DMD: variants seen among roughly 807,000 people sequenced by gnomAD.
DMD encodes mutant dystrophin.
A neutral mutation model predicts 330.1 loss-of-function variants in DMD; 63 were observed. The observed-to-expected ratio is 0.19, with a 90% CI of 0.16 to 0.24. The LOEUF (loss-of-function observed/expected upper bound fraction) is 0.24. DMD is among the 10% of genes least tolerant of loss of function. The pLI is 1.00. For synonymous variants in DMD, 1,223 were observed against 959.8 expected (o/e 1.27, Z -5.07); for missense variants, 3,344 against 2,684.1 (o/e 1.25, Z -5.43).
chrX:31,515,101 A>T (rs924152136), intron 55 of DMD, among the ~76,000 whole-genome samples: 1 of 111,856 alleles, frequency 8.9e-6, no homozygotes, highest in Non-Finnish European at 1.9e-5. Context: ...TTCATAAGTA[A>T]TAATACAACT....
At chrX:33,245,285 TAAA>T (rs72440225) in intron 1 of DMD, among the ~76,000 whole-genome samples, 2 of 99,364 alleles carry the variant, frequency 2.0e-5, no homozygotes, top group Non-Finnish European at 2.0e-5. Context: ...CTCTGAAAAG[TAAA>T]AAAAAAAAAA....
intron 25 of DMD, among the ~76,000 whole-genome samples, 178 bp from the exon 26 acceptor site, chrX:32,455,010 G>A (rs2074597678): frequency 9.0e-6 from 1 of 111,013 alleles, no homozygotes; most frequent in Non-Finnish European, 1.9e-5. Flanking sequence ...TCCCATAAGT[G>A]TGAAAATAAG....
In DMD at chrX:32,702,645, G is replaced by A. The variant is rs961876750; in HGVS notation, c.650-3352C>T. 9.0e-5 allele frequency among the ~76,000 whole-genome samples: 10 copies of A among 111,262 alleles called. No individual in the cohort carries two copies. In the East Asian group the frequency reaches 2.8e-3, roughly 31 times the overall value. On this transcript the variant is annotated intron_variant, in intron 7 of 78. Coordinates refer to ENST00000357033, the MANE Select transcript of DMD (RefSeq NM_004006.3). ...AAAGTAAATTCTTTAAGTACAGAAT[G>A]GATTGCTGGAGGAAAACTTGAGAGA...
In DMD at chrX:31,120,730, T is replaced by TATC. The variant is rs1555970396; in HGVS notation, c.*1186_*1188dup. The stretch of plus-strand genomic sequence containing the variant: ...CTGGGAATCCATAGCCCTCCAGCCC[T>TATC]ATCATCGTCCTGCTACTGCTTGGGA... On this transcript the variant is annotated 3_prime_UTR_variant, in exon 79 of 79. Transcript: ENST00000357033. 2 of 110,811 alleles carry TATC rather than the reference T, an allele frequency of 1.8e-5. No homozygotes were observed. Among genetic ancestry groups the TATC allele is most frequent in the African/African-American group, 6.6e-5 (2 of 30,493 alleles). 9.1% of individuals were successfully genotyped at this position (110,811 alleles called of 1,213,427 possible).
chrX:33,057,836 A>G (rs1462744741), intron 1 of DMD, among the ~76,000 whole-genome samples: 1 of 111,845 alleles, frequency 8.9e-6, no homozygotes, highest in Non-Finnish European at 1.9e-5. Flanking sequence ...TTTTATTACT[A>G]TATAATATTC....
chrX:33,076,387 T>A (rs1331506342), intron 1 of DMD, among the ~76,000 whole-genome samples: 1 of 111,257 alleles, frequency 9.0e-6, no homozygotes, highest in Non-Finnish European at 1.9e-5. Flanking sequence ...GTCTAGAGAG[T>A]GGGCAAGGTG....
intron 1 of DMD, among the ~76,000 whole-genome samples, chrX:33,240,470 G>C (rs1204123061): frequency 9.0e-6 from 1 of 111,629 alleles, no homozygotes; most frequent in Non-Finnish European, 1.9e-5. Flanking sequence ...ACCAGTTGAT[G>C]GACCCTTAGG....
At chrX:32,762,678 G>C (rs899221830) in intron 7 of DMD, among the ~76,000 whole-genome samples, 2 of 110,032 alleles carry the variant, frequency 1.8e-5, no homozygotes, top group African/African-American at 3.3e-5. Flanking sequence ...GTATGTTCTT[G>C]CTTGACCGGA....
intron 17 of DMD, among the ~76,000 whole-genome samples, chrX:32,521,672 T>C (rs1283672537): frequency 8.9e-6 from 1 of 112,358 alleles, no homozygotes; most frequent in East Asian, 2.8e-4. Context: ...TCCTTAAACA[T>C]TATATGCCAA....
intron 60 of DMD, among the ~76,000 whole-genome samples, chrX:31,414,710 T>C (rs1309419950): frequency 8.9e-6 from 1 of 112,168 alleles, no homozygotes; most frequent in Non-Finnish European, 1.9e-5. Context: ...CCAAATATTA[T>C]AAAAGAAAAT....
At chrX:32,127,215 G>A (rs1489370167) in intron 44 of DMD, among the ~76,000 whole-genome samples, 1 of 111,610 alleles carries the variant, frequency 9.0e-6, no homozygotes, top group Admixed American at 9.6e-5. Flanking sequence ...GTGCTGCCAG[G>A]AAAATTTAAT....
chrX:33,321,934 T>A (rs752346794), intron 1 of DMD, among the ~76,000 whole-genome samples: 1 of 111,907 alleles, frequency 8.9e-6, no homozygotes, highest in East Asian at 2.8e-4. Flanking sequence ...TTCCAACTTT[T>A]CTTCTGCAGC....
At chrX:31,724,260 G>C (rs1477359096) in intron 52 of DMD, among the ~76,000 whole-genome samples, 1 of 112,536 alleles carries the variant, frequency 8.9e-6, no homozygotes, top group Non-Finnish European at 1.9e-5. Context: ...ATTAGCAACA[G>C]AGATTTCATA....
intron 13 of DMD, among the ~76,000 whole-genome samples, chrX:32,594,696 T>C (rs923456249): frequency 4.5e-5 from 5 of 111,690 alleles, no homozygotes; most frequent in African/African-American, 1.6e-4. Context: ...TAATACTTTA[T>C]GATTTCTCCT....
intron 34 of DMD, among the ~76,000 whole-genome samples, chrX:32,379,920 T>TA (rs1186423994): frequency 3.5e-3 from 364 of 103,691 alleles, no homozygotes; most frequent in Admixed American, 4.2e-3. Context: ...GAATAAACAG[T>TA]AAAAAAAAAA....
chrX:31,860,258 T>C (rs750424542), intron 48 of DMD, among the ~76,000 whole-genome samples: 1 of 112,529 alleles, frequency 8.9e-6, no homozygotes, highest in African/African-American at 3.2e-5. Context: ...AGTATAAACA[T>C]ATTTAGGGTG....
chrX:32,643,223 T>G (rs2059581760), intron 11 of DMD, among the ~76,000 whole-genome samples: 1 of 111,449 alleles, frequency 9.0e-6, no homozygotes, highest in Non-Finnish European at 1.9e-5. Context: ...GTACCTTATT[T>G]ATTCTTTCAA....
At chrX:31,228,394 C>T (rs771979448) in intron 63 of DMD, among the ~76,000 whole-genome samples, 31 of 110,678 alleles carry the variant, frequency 2.8e-4, no homozygotes, top group African/African-American at 9.8e-4. Flanking sequence ...TTCTGGTGCC[C>T]TACAAGTCTA....
At chrX:31,513,739 G>GAAC (rs1209554701) in intron 55 of DMD, among the ~76,000 whole-genome samples, 1 of 111,510 alleles carries the variant, frequency 9.0e-6, no homozygotes, top group Non-Finnish European at 1.9e-5. Context: ...GCAGCAGCAA[G>GAAC]AACAACAACA....
Sources: allele counts gnomAD v4.1 joint callset (sites outside exome capture counted in the v4.1 genomes callset), GRCh38; gene constraint gnomAD v4.1.1; transcripts MANE v1.5; gene names NCBI Gene and HGNC (gene_info 2026-07-23, HGNC 2026-07-21).